The following KLHL1 variants were observed in gnomAD, a reference collection of about 807,000 sequenced individuals.
KLHL1 encodes the protein kelch-like protein 1.
KLHL1 carries 47 observed loss-of-function variants against 77.7 expected under a neutral mutation model. The observed-to-expected ratio is 0.60, with a 90% CI of 0.48 to 0.77. The LOEUF is 0.77. Among genes scored for constraint, KLHL1 ranks in the 30% least tolerant of loss-of-function variants. KLHL1 has a pLI of 0.00. For missense variants in KLHL1, 925 were observed against 910.8 expected, an observed-to-expected ratio of 1.02 and a Z score of -0.20; for synonymous variants, 360 against 325.2, an observed-to-expected ratio of 1.11 and a Z score of -1.15.
At chr13:69,772,056 A>G (rs1417679558) in intron 7 of KLHL1, among the ~76,000 whole-genome samples, 1 of 152,086 alleles carries the variant, frequency 6.6e-6, no homozygotes, top group African/African-American at 2.4e-5. Flanking sequence ...GGTTCAAGCA[A>G]TTATCCTGCC....
chr13:70,066,494 G>A (rs976805741), intron 1 of KLHL1, among the ~76,000 whole-genome samples: 1 of 152,134 alleles, frequency 6.6e-6, no homozygotes, highest in African/African-American at 2.4e-5. Context: ...TGACATCAGA[G>A]AAATGAGCAG....
intron 3 of KLHL1, among the ~76,000 whole-genome samples, chr13:69,945,892 T>G (rs1455075956): frequency 6.6e-6 from 1 of 152,186 alleles, no homozygotes; most frequent in Admixed American, 6.5e-5. Flanking sequence ...GAAAATTTAT[T>G]TTGCAATGGC....
chr13:70,060,616 C>T (rs750092901), intron 1 of KLHL1, among the ~76,000 whole-genome samples: 6 of 151,558 alleles, frequency 4.0e-5, no homozygotes, highest in South Asian at 2.1e-4. Flanking sequence ...GGCTGAGGCG[C>T]GTGGATCACT....
At chr13:69,895,130 T>A in intron 4 of KLHL1, 2 of 464,938 alleles carry the variant, frequency 4.3e-6, no homozygotes, top group Non-Finnish European at 8.5e-6. Context: ...TTGTTCCTTA[T>A]ATATAATGAA....
intron 1 of KLHL1, among the ~76,000 whole-genome samples, chr13:70,045,913 G>A (rs1312727032): frequency 6.6e-6 from 1 of 152,132 alleles, no homozygotes; most frequent in Admixed American, 6.5e-5. Context: ...TAAACCCTAT[G>A]CCTGAAAATT....
intron 3 of KLHL1, among the ~76,000 whole-genome samples, chr13:69,951,410 G>T (rs374744411): frequency 2.0e-5 from 3 of 151,418 alleles, no homozygotes; most frequent in Non-Finnish European, 4.4e-5. Flanking sequence ...CCAGATTTTC[G>T]CAAGTTAGTA....
chr13:70,073,149 GA>G (rs1887177144), intron 1 of KLHL1, among the ~76,000 whole-genome samples: 1 of 152,058 alleles, frequency 6.6e-6, no homozygotes, highest in Non-Finnish European at 1.5e-5. Flanking sequence ...AGCAGACTTG[GA>G]ACCAACCCAA....
intron 4 of KLHL1, among the ~76,000 whole-genome samples, chr13:69,903,362 C>T (rs1025692784): frequency 3.3e-5 from 5 of 152,184 alleles, no homozygotes; most frequent in African/African-American, 1.2e-4. Context: ...TTAAACAAAC[C>T]CACCAGAGCG....
At chr13:69,876,408 C>T (rs780225072) in intron 5 of KLHL1, among the ~76,000 whole-genome samples, 1 of 152,126 alleles carries the variant, frequency 6.6e-6, no homozygotes, top group African/African-American at 2.4e-5. Context: ...GCTATGACCA[C>T]TACAAGTAAT....
chr13:70,094,393 T>TTATATATATATATATATA (rs369471818), intron 1 of KLHL1, among the ~76,000 whole-genome samples: 2,160 of 136,856 alleles, frequency 0.016, 34 homozygotes, highest in Non-Finnish European at 0.02. Flanking sequence ...GCAATCATCT[T>TTATATATATATATATATA]TATATATATA....
intron 5 of KLHL1, among the ~76,000 whole-genome samples, chr13:69,865,815 C>T (rs1350561342): frequency 1.3e-5 from 2 of 152,070 alleles, no homozygotes; most frequent in East Asian, 1.9e-4. Context: ...AATATCATTC[C>T]ACTCTCCTAA....
At chr13:69,937,733 A>C (rs573991770) in intron 4 of KLHL1, among the ~76,000 whole-genome samples, 19 of 152,264 alleles carry the variant, frequency 1.2e-4, no homozygotes, top group Admixed American at 5.2e-4. Flanking sequence ...AGATTTCGGA[A>C]TTATTTGCAC....
At chr13:69,939,903 G>A (rs75446110) in intron 4 of KLHL1, 137 bp downstream of exon 4, 1 of 575,778 alleles carries the variant, frequency 1.7e-6, no homozygotes, top group Non-Finnish European at 3.0e-6. Context: ...GTACGCTATA[G>A]TTCATAACAA....
At position 69,781,285 on chromosome 13, in the gene KLHL1, C is replaced by CTTT. The variant is rs869083780; in HGVS notation, c.1639+15450_1639+15452dup. On this transcript the variant is annotated intron_variant, in intron 7 of 10. Transcript: ENST00000377844. The stretch of plus-strand genomic sequence containing the variant: ...TCTTGAGAGACTCCTTTTTTTCTTT[C>CTTT]TTTTTTTTTTTTTTTTTTTTGTCAA... Among the ~76,000 whole-genome samples, 772 of 119,658 alleles carry CTTT rather than the reference C, an allele frequency of 6.5e-3. 12 individuals are homozygous for CTTT. Among genetic ancestry groups the CTTT allele is most frequent in the African/African-American group, 0.02 (614 of 31,068 alleles). 78.5% of individuals were successfully genotyped at this position (119,658 alleles called of 152,430 possible). A position where few individuals can be genotyped will look rare whatever the true frequency, so the allele number is the denominator to read the frequency against.
intron 3 of KLHL1, among the ~76,000 whole-genome samples, chr13:69,952,516 G>T (rs534675198): frequency 1.3e-4 from 20 of 151,294 alleles, no homozygotes; most frequent in Non-Finnish European, 3.0e-4. Flanking sequence ...AGTGCCATTT[G>T]GCTAGGACAT....
chr13:69,859,355 G>A (rs1280900940), intron 5 of KLHL1, among the ~76,000 whole-genome samples: 1 of 151,324 alleles, frequency 6.6e-6, no homozygotes, highest in Non-Finnish European at 1.5e-5. Context: ...GCTGGGTCTA[G>A]CTAATGGGAA....
intron 7 of KLHL1, among the ~76,000 whole-genome samples, chr13:69,770,308 C>A (rs536960687): frequency 6.6e-6 from 1 of 152,278 alleles, no homozygotes; most frequent in South Asian, 2.1e-4. Flanking sequence ...CCTGCTGGCC[C>A]GAGTGGGCAG....
intron 1 of KLHL1, among the ~76,000 whole-genome samples, chr13:69,989,215 T>A (rs60134761): frequency 0.16 from 23,698 of 151,896 alleles, 3,911 homozygotes; most frequent in African/African-American, 0.42. Flanking sequence ...ATTGAATAGG[T>A]AATCCTTTCC....
chr13:69,971,875 G>C (rs953455589), intron 2 of KLHL1, among the ~76,000 whole-genome samples: 3 of 152,054 alleles, frequency 2.0e-5, no homozygotes, highest in Non-Finnish European at 4.4e-5. Flanking sequence ...ATAATTGTTT[G>C]TTTTAATTAG....
Sources: gnomAD v4.1 joint callset for allele counts (sites outside exome capture counted in the v4.1 genomes callset) on GRCh38, gnomAD v4.1.1 for gene constraint, MANE v1.5 for transcripts, NCBI Gene and HGNC (gene_info 2026-07-23, HGNC 2026-07-21) for gene names.